The following ENO4 variants were observed in gnomAD, a reference collection of about 807,000 sequenced individuals.
ENO4 encodes 2-phospho-D-glycerate hydro-lyase.
A neutral mutation model predicts 63.2 loss-of-function variants in ENO4; 53 were observed. The ratio of observed to expected loss-of-function variants is 0.84; its 90% confidence interval spans 0.67 to 1.05. The LOEUF (loss-of-function observed/expected upper bound fraction) is 1.05, where lower values mean the gene tolerates loss of function less well. Ranked by LOEUF, ENO4 falls within the 50% of genes least tolerant of loss-of-function variation. The pLI, the probability that ENO4 is intolerant of heterozygous loss-of-function variation, is 0.00. For synonymous variants in ENO4, 266 were observed against 283.8 expected (o/e 0.94, Z 0.63); for missense variants, 719 against 772.0 (o/e 0.93, Z 0.81).
intron 11 of ENO4, among the ~76,000 whole-genome samples, chr10:116,876,961 T>C (rs1846853465): frequency 6.6e-6 from 1 of 151,840 alleles, no homozygotes; most frequent in African/African-American, 2.4e-5. Flanking sequence ...AATTAATTAA[T>C]TAATTAATTA....
chr10:116,896,194 TATCAACCAAGAAC>T (rs1847512500), intron 10 of ENO4, among the ~76,000 whole-genome samples: 1 of 152,196 alleles, frequency 6.6e-6, no homozygotes, highest in African/African-American at 2.4e-5. Context: ...ATTATACCTA[TATCAACCAAGAAC>T]ATCAGATTTA....
Position 116,879,183 on chromosome 10 carries a change from C to A in ENO4, c.1538-108C>A, listed in dbSNP as rs1011731445. On this transcript the variant is annotated intron_variant, in intron 11 of 13. Transcript: ENST00000341276. Reference sequence around the variant, plus strand: ...ATCCTAGGTAGGCAAATAATTGACTCTTCACAGGGAAGTTTTAAATCTGAG... The same window carrying A: ...ATCCTAGGTAGGCAAATAATTGACTATTCACAGGGAAGTTTTAAATCTGAG... 1.1e-5 allele frequency: 8 copies of A among 714,880 alleles called. No homozygotes were observed. The African/African-American group carries it at 1.3e-4, about 11-fold the overall frequency. 44.3% of individuals were successfully genotyped at this position (714,880 alleles called of 1,614,324 possible).
intron 13 of ENO4, among the ~76,000 whole-genome samples, chr10:116,880,425 G>A (rs905044372): frequency 6.6e-6 from 1 of 152,196 alleles, no homozygotes. Flanking sequence ...GGTCTCAAGA[G>A]AAATCGATCA....
At chr10:116,862,731 G>T in intron 6 of ENO4, 68 bp from the exon 7 acceptor site, 1 of 1,160,280 alleles carries the variant, frequency 8.6e-7, no homozygotes, top group Non-Finnish European at 1.3e-6. Context: ...ATAGCCACGT[G>T]TTATAAGTTT....
intron 7 of ENO4, among the ~76,000 whole-genome samples, chr10:116,867,595 A>G (rs1437047354): frequency 6.6e-6 from 1 of 152,130 alleles, no homozygotes; most frequent in Non-Finnish European, 1.5e-5. Context: ...TCTTTAAAAG[A>G]AAAGGGGTAG....
intron 10 of ENO4, among the ~76,000 whole-genome samples, chr10:116,899,229 A>T (rs928549843): frequency 3.9e-5 from 6 of 152,186 alleles, no homozygotes; most frequent in Non-Finnish European, 7.3e-5. Context: ...AATAAAGTAT[A>T]TAGTAAGTTA....
At chr10:116,872,623 A>T (rs1052645211) in intron 9 of ENO4, among the ~76,000 whole-genome samples, 1 of 152,160 alleles carries the variant, frequency 6.6e-6, no homozygotes, top group African/African-American at 2.4e-5. Context: ...TTCCTTTACA[A>T]ATTACTCAGT....
intron 13 of ENO4, among the ~76,000 whole-genome samples, chr10:116,880,659 A>G (rs1277318358): frequency 2.6e-5 from 4 of 152,172 alleles, no homozygotes; most frequent in Non-Finnish European, 5.9e-5. Context: ...AATGCATCCT[A>G]GGATTCAGAA....
intron 8 of ENO4, among the ~76,000 whole-genome samples, chr10:116,869,008 C>T (rs1246588707): frequency 2.0e-5 from 3 of 152,090 alleles, no homozygotes; most frequent in Admixed American, 6.5e-5. Context: ...TTTGGGAAGT[C>T]GAATCTCTCT....
intron 10 of ENO4, among the ~76,000 whole-genome samples, chr10:116,896,595 A>G (rs184660810): frequency 3.3e-5 from 5 of 152,304 alleles, no homozygotes; most frequent in Admixed American, 6.5e-5. Context: ...TTCAAAAGCT[A>G]AAGTCATTTG....
intron 1 of ENO4, among the ~76,000 whole-genome samples, chr10:116,853,176 T>TA (rs1846137823): frequency 6.6e-6 from 1 of 150,782 alleles, no homozygotes; most frequent in South Asian, 2.1e-4. Context: ...GCGACTGTAG[T>TA]CCCAGCTACT....
intron 10 of ENO4, among the ~76,000 whole-genome samples, chr10:116,898,101 G>A (rs765015994): frequency 6.6e-6 from 1 of 152,128 alleles, no homozygotes; most frequent in African/African-American, 2.4e-5. Context: ...GCTGAGGTGG[G>A]TGGATCACCT....
rs1423406430 is a variant in ENO4, at chr10:116,882,372, G to A, written c.*703G>A. 1.4e-5 allele frequency: 2 copies of A among 142,814 alleles called. No homozygotes were observed. The highest frequency in any genetic ancestry group is 7.2e-5 in the Admixed American group (1 of 13,930). The allele number at this position is 142,814 out of a possible 1,614,324, so 8.8% of individuals were successfully genotyped here. A position where few individuals can be genotyped will look rare whatever the true frequency, so the allele number is the denominator to read the frequency against. ...TAAATGCCCAGTTATTCATACCACA[G>A]CATTTAAAAAGCAATCCGCAAGTGA... On this transcript the variant is annotated 3_prime_UTR_variant, in exon 14 of 14. Transcript: ENST00000341276.
intron 13 of ENO4, among the ~76,000 whole-genome samples, chr10:116,880,423 G>A (rs1226095256): frequency 1.3e-5 from 2 of 152,192 alleles, no homozygotes; most frequent in Admixed American, 6.5e-5. Context: ...AAGGTCTCAA[G>A]AGAAATCGAT....
chr10:116,873,942 G>A, intron 9 of ENO4, 134 bp from the exon 10 acceptor site: 1 of 1,330,546 alleles, frequency 7.5e-7, no homozygotes, highest in Middle Eastern at 2.7e-4. Flanking sequence ...GATTTCTCAG[G>A]TCAACGTGCC....
chr10:116,856,378 T>C (rs1431924814), intron 2 of ENO4, 114 bp from the exon 3 acceptor site: 4 of 791,654 alleles, frequency 5.1e-6, no homozygotes, highest in Non-Finnish European at 7.9e-6. Flanking sequence ...TATATTCTCA[T>C]TGTCCCCTTG....
intron 4 of ENO4, among the ~76,000 whole-genome samples, chr10:116,860,207 C>T (rs117561545): frequency 1.3e-5 from 2 of 152,152 alleles, no homozygotes; most frequent in African/African-American, 4.8e-5. Flanking sequence ...GGACTCTGTC[C>T]GGACCTCATG....
chr10:116,903,211 T>C (rs1847817160), intron 10 of ENO4, among the ~76,000 whole-genome samples: 2 of 152,186 alleles, frequency 1.3e-5, no homozygotes, highest in South Asian at 4.1e-4. Context: ...GCAGACACGT[T>C]TGGACATTAT....
chr10:116,855,345 G>A (rs1846232672), intron 1 of ENO4, among the ~76,000 whole-genome samples: 1 of 152,088 alleles, frequency 6.6e-6, no homozygotes, highest in African/African-American at 2.4e-5. Context: ...AGAAACGTAT[G>A]CAAGTTTCTG....
Sources: allele counts gnomAD v4.1 joint callset (sites outside exome capture counted in the v4.1 genomes callset), GRCh38; gene constraint gnomAD v4.1.1; transcripts MANE v1.5; gene names NCBI Gene and HGNC (gene_info 2026-07-23, HGNC 2026-07-21).